KLRG1: variants seen among roughly 807,000 people sequenced by gnomAD.
The protein encoded by KLRG1 is killer cell lectin-like receptor subfamily G member 1.
KLRG1 carries 16 observed loss-of-function variants against 21.8 expected under a neutral mutation model. The ratio of observed to expected loss-of-function variants is 0.73; its 90% CI spans 0.50 to 1.11. The LOEUF (loss-of-function observed/expected upper bound fraction) is 1.11, where lower values mean the gene tolerates loss of function less well. Among genes scored for constraint, KLRG1 ranks in the 50% most tolerant of loss-of-function variants. KLRG1 has a pLI of 0.00. For missense variants in KLRG1, 173 were observed against 218.3 expected (o/e 0.79, Z 1.31); for synonymous variants, 69 against 75.9 (o/e 0.91, Z 0.47).
chr12:9,157,965 C>G, the KLRG1 span: 2 of 846,166 alleles, frequency 2.4e-6, no homozygotes, highest in Admixed American at 2.1e-5. Flanking sequence ...CCTTCTCTCT[C>G]TCTCTCTCGA....
At chr12:9,109,353 C>A in the KLRG1 span, 67 of 1,613,292 alleles carry the variant, frequency 4.2e-5, no homozygotes, top group Middle Eastern at 3.3e-4. Flanking sequence ...TCTCTTCTTC[C>A]AAGATGGTGA....
chr12:9,102,057 G>A, the KLRG1 span, among the ~76,000 whole-genome samples: 1 of 152,142 alleles, frequency 6.6e-6, no homozygotes. Flanking sequence ...TCAGAAAGCA[G>A]CTGCCTCTTT....
intron 3 of KLRG1, among the ~76,000 whole-genome samples, chr12:9,004,561 T>G (rs1344956119): frequency 6.6e-6 from 1 of 152,208 alleles, no homozygotes; most frequent in Non-Finnish European, 1.5e-5. Context: ...CTCAAACTCC[T>G]GGGCTCAAGT....
chr12:9,116,413 C>G, the KLRG1 span, among the ~76,000 whole-genome samples: 1 of 152,158 alleles, frequency 6.6e-6, no homozygotes, highest in Non-Finnish European at 1.5e-5. Context: ...AGCTTTTTGA[C>G]ATTAGGGATA....
At chr12:9,189,932 C>A in the KLRG1 span, among the ~76,000 whole-genome samples, 1 of 152,084 alleles carries the variant, frequency 6.6e-6, no homozygotes, top group African/African-American at 2.4e-5. Context: ...CAACTCAAAA[C>A]CACAATGAGA....
At chr12:9,202,667 G>A in the KLRG1 span, 1 of 1,613,918 alleles carries the variant, frequency 6.2e-7, no homozygotes, top group Non-Finnish European at 8.5e-7. Flanking sequence ...CCTCTGAAGA[G>A]GCTGAGATCC....
chr12:9,132,859 G>C, the KLRG1 span, among the ~76,000 whole-genome samples: 1 of 152,072 alleles, frequency 6.6e-6, no homozygotes, highest in Non-Finnish European at 1.5e-5. Flanking sequence ...TTAATGATTA[G>C]ATGTATATCC....
chr12:9,132,935 TTGAA>T, the KLRG1 span, among the ~76,000 whole-genome samples: 1 of 152,178 alleles, frequency 6.6e-6, no homozygotes, highest in Non-Finnish European at 1.5e-5. Flanking sequence ...ATGTGCCTCT[TTGAA>T]TGAATGAAAA....
At chr12:8,960,084 C>T (rs78032700) in intron 1 of KLRG1, among the ~76,000 whole-genome samples, 2,681 of 152,206 alleles carry the variant, frequency 0.018, 73 homozygotes, top group African/African-American at 0.06. Flanking sequence ...CAATGGCTTC[C>T]TGATATTGGA....
chr12:9,133,180 A>G, the KLRG1 span, among the ~76,000 whole-genome samples: 9 of 152,296 alleles, frequency 5.9e-5, no homozygotes, highest in Non-Finnish European at 1.3e-4. Context: ...CTTTTGAGAT[A>G]TCCAGTGAAG....
downstream of KLRG1, among the ~76,000 whole-genome samples, chr12:9,013,659 C>A (rs1179706127): frequency 2.6e-5 from 4 of 152,150 alleles, no homozygotes; most frequent in African/African-American, 9.7e-5. Flanking sequence ...TGCAGGGAAA[C>A]TCCCCTTCAT....
chr12:9,008,802 A>T (rs1250712920), intron 3 of KLRG1, among the ~76,000 whole-genome samples, 173 bp from the exon 4 acceptor site: 5 of 152,178 alleles, frequency 3.3e-5, no homozygotes, highest in Non-Finnish European at 4.4e-5. Flanking sequence ...GGTTCAACAT[A>T]TTGATTTTAG....
the KLRG1 span, among the ~76,000 whole-genome samples, chr12:9,051,842 G>T: frequency 6.6e-6 from 1 of 152,190 alleles, no homozygotes; most frequent in East Asian, 1.9e-4. Flanking sequence ...GAACTGCTCT[G>T]TTTTCTGTCC....
At chr12:9,169,854 T>C in the KLRG1 span, 1 of 288,280 alleles carries the variant, frequency 3.5e-6, no homozygotes, top group African/African-American at 2.2e-5. Context: ...TTGTAGAGTC[T>C]AGAGGTAAAA....
At chr12:9,015,331 T>A (rs141959910), downstream of KLRG1, among the ~76,000 whole-genome samples, 3 of 152,088 alleles carry the variant, frequency 2.0e-5, no homozygotes, top group Admixed American at 1.3e-4. Flanking sequence ...TCCATGCCAA[T>A]GGAGACCAAA....
chr12:9,081,828 C>G, the KLRG1 span, among the ~76,000 whole-genome samples: 2 of 152,186 alleles, frequency 1.3e-5, no homozygotes, highest in African/African-American at 2.4e-5. Context: ...CAGGTAGAAA[C>G]AAAGAAGGAC....
the KLRG1 span, among the ~76,000 whole-genome samples, chr12:9,083,687 C>T: frequency 6.9e-6 from 1 of 145,658 alleles, no homozygotes; most frequent in Non-Finnish European, 1.5e-5. Context: ...AAAGAAAGTC[C>T]AGAAGAAGAA....
chr12:9,124,493 C>A, the KLRG1 span, among the ~76,000 whole-genome samples: 1 of 152,200 alleles, frequency 6.6e-6, no homozygotes, highest in East Asian at 1.9e-4. Context: ...AGCACCCCGA[C>A]CAGTGGCTGC....
upstream of KLRG1, among the ~76,000 whole-genome samples, chr12:8,988,796 G>A (rs1946890144): frequency 6.6e-6 from 1 of 152,054 alleles, no homozygotes; most frequent in African/African-American, 2.4e-5. Flanking sequence ...TGGCCAGGCT[G>A]GTCTTGAATT....
Sources: allele counts gnomAD v4.1 joint callset (sites outside exome capture counted in the v4.1 genomes callset), GRCh38; gene constraint gnomAD v4.1.1; transcripts MANE v1.5; gene names NCBI Gene and HGNC (gene_info 2026-07-23, HGNC 2026-07-21).